FMR1: variants seen among roughly 807,000 people sequenced by gnomAD.
The protein encoded by FMR1 is fragile X messenger ribonucleoprotein 1, also known as FMRP translational regulator 1.
Under a neutral mutation model 50.6 loss-of-function variants are expected in FMR1, and 13 were observed. That is an observed-to-expected ratio of 0.26 (90% CI 0.17 to 0.41). The LOEUF (loss-of-function observed/expected upper bound fraction) is 0.41, where lower values mean the gene tolerates loss of function less well. Among genes scored for constraint, FMR1 ranks in the 10% least tolerant of loss-of-function variants. FMR1 has a pLI of 1.00. For synonymous variants in FMR1, 138 were observed against 164.1 expected (o/e 0.84, Z 1.22); for missense variants, 316 against 491.3 (o/e 0.64, Z 3.37).
intron 16 of FMR1, 102 bp from the exon 17 acceptor site, chrX:147,948,581 T>A: frequency 8.5e-7 from 1 of 1,180,924 alleles, no homozygotes; most frequent in South Asian, 1.9e-5. Context: ...TTTCTCTTTT[T>A]AACATGTGGA....
At chrX:147,941,934 C>T (rs2044021908) in intron 13 of FMR1, among the ~76,000 whole-genome samples, 1 of 112,852 alleles carries the variant, frequency 8.9e-6, no homozygotes, top group Admixed American at 9.3e-5. Flanking sequence ...AAGGTGACTG[C>T]TTTGCCCCAG....
At chrX:147,924,125 T>G (rs2043294223) in intron 2 of FMR1, among the ~76,000 whole-genome samples, 1 of 111,383 alleles carries the variant, frequency 9.0e-6, no homozygotes, top group Non-Finnish European at 1.9e-5. Context: ...CATTGAGTTA[T>G]ATATTATTAT....
At chrX:147,945,640 A>G in intron 16 of FMR1, 24 bp downstream of exon 16, 5 of 1,072,678 alleles carry the variant, frequency 4.7e-6, no homozygotes, top group Non-Finnish European at 6.5e-6. Context: ...GCCTCTTTTC[A>G]TCTTAATTGT....
intron 14 of FMR1, 63 bp downstream of exon 14, chrX:147,943,389 T>G: frequency 6.2e-6 from 6 of 963,745 alleles, no homozygotes; most frequent in African/African-American, 1.9e-5. Context: ...TGCTAATCTC[T>G]AATATTCATT....
At chrX:147,936,805 A>G (rs1557179729) in intron 10 of FMR1, among the ~76,000 whole-genome samples, 192 bp downstream of exon 10, 2 of 111,836 alleles carry the variant, frequency 1.8e-5, no homozygotes, top group African/African-American at 6.5e-5. Flanking sequence ...AGTTTGGATT[A>G]GTCACTTTAT....
At chrX:147,941,972 T>G (rs2044023198) in intron 13 of FMR1, among the ~76,000 whole-genome samples, 1 of 112,809 alleles carries the variant, frequency 8.9e-6, no homozygotes, top group South Asian at 3.6e-4. Flanking sequence ...CTCTTCTGTT[T>G]TGCAAGATAT....
intron 15 of FMR1, 78 bp from the exon 16 acceptor site, chrX:147,945,456 G>C (rs1557181758): frequency 7.8e-6 from 6 of 767,605 alleles, no homozygotes; most frequent in Non-Finnish European, 1.2e-5. Flanking sequence ...GGTTTAAATA[G>C]AGGGTGTGGG....
chrX:147,945,151 A>G (rs2044131617), intron 15 of FMR1, 100 bp downstream of exon 15: 1 of 1,116,892 alleles, frequency 9.0e-7, no homozygotes, highest in Admixed American at 2.6e-5. Context: ...CCAAGATCCC[A>G]TCTCTCCCGT....
chrX:147,912,432 G>C (rs1348787968), intron 1 of FMR1, among the ~76,000 whole-genome samples: 1 of 111,387 alleles, frequency 9.0e-6, no homozygotes, highest in African/African-American at 3.3e-5. Context: ...AGGCCCTAGC[G>C]CCTATCGAAA....
At chrX:147,944,815 C>CTTTT in intron 14 of FMR1, 54 bp from the exon 15 acceptor site, 2 of 1,051,289 alleles carry the variant, frequency 1.9e-6, no homozygotes, top group East Asian at 3.4e-5. Flanking sequence ...TGTTAACCCT[C>CTTTT]TTTTTTTTTT....
At position 147,930,511 on chromosome X, in the gene FMR1, G is replaced by A. The variant is rs25709; in HGVS notation, c.630+267G>A. ...TTTATCAAAGTTGCTAATAAAATGC[G>A]GCAATGCTTCTTCCATATAACATGT... On this transcript the variant is annotated intron_variant, in intron 7 of 16. Coordinates refer to ENST00000370475, the MANE Select transcript of FMR1 (RefSeq NM_002024.6). Among the ~76,000 whole-genome samples the A allele has an allele frequency of 4.4e-4, 49 of 111,465 alleles. 1 individual carries two copies. In the East Asian group the frequency reaches 0.014, roughly 31 times the overall value.
intron 1 of FMR1, among the ~76,000 whole-genome samples, chrX:147,921,341 T>A (rs2043153924): frequency 9.0e-6 from 1 of 111,549 alleles, no homozygotes; most frequent in African/African-American, 3.3e-5. Context: ...CTCTGGACTT[T>A]ATATATTTTT....
chrX:147,924,952 C>A (rs2043336127), intron 2 of FMR1: 1 of 112,827 alleles, frequency 8.9e-6, no homozygotes, highest in Admixed American at 9.3e-5. Context: ...GTTTAGGAGA[C>A]CCCACCATCC....
chrX:147,944,411 TG>T, intron 14 of FMR1: 1 of 753,616 alleles, frequency 1.3e-6, no homozygotes. Flanking sequence ...TGGCCTCCTT[TG>T]CCACCCTCTC....
intron 16 of FMR1, among the ~76,000 whole-genome samples, chrX:147,947,776 C>T: frequency 9.0e-6 from 1 of 111,057 alleles, no homozygotes; most frequent in East Asian, 2.8e-4. Flanking sequence ...AAAACACATG[C>T]ACATACCCAC....
intron 16 of FMR1, chrX:147,948,326 C>A: frequency 2.8e-6 from 1 of 358,275 alleles, no homozygotes; most frequent in Non-Finnish European, 3.7e-6. Context: ...TATTTTAACT[C>A]TAGTGTTAGA....
At chrX:147,923,618 A>C (rs954981281) in intron 2 of FMR1, among the ~76,000 whole-genome samples, 1 of 111,925 alleles carries the variant, frequency 8.9e-6, no homozygotes, top group Non-Finnish European at 1.9e-5. Context: ...TTTAATTTTC[A>C]ATCAGATTTC....
chrX:147,923,891 C>T (rs888113827), intron 2 of FMR1, among the ~76,000 whole-genome samples: 37 of 111,799 alleles, frequency 3.3e-4, no homozygotes, highest in Non-Finnish European at 6.4e-4. Context: ...AGAAACAAAA[C>T]GAAAACAGTG....
At chrX:147,917,603 TTAA>T (rs1557175479) in intron 1 of FMR1, among the ~76,000 whole-genome samples, 1 of 112,233 alleles carries the variant, frequency 8.9e-6, no homozygotes, top group Non-Finnish European at 1.9e-5. Flanking sequence ...ATCCCAATTT[TTAA>T]AGCTTTTTTA....
Sources: gnomAD v4.1 joint callset for allele counts (sites outside exome capture counted in the v4.1 genomes callset) on GRCh38, gnomAD v4.1.1 for gene constraint, MANE v1.5 for transcripts, NCBI Gene and HGNC (gene_info 2026-07-23, HGNC 2026-07-21) for gene names.